The following POLR1A variants were observed in gnomAD, a reference collection of about 807,000 sequenced individuals.
The protein encoded by POLR1A is RNA polymerase I subunit A.
POLR1A carries 84 observed loss-of-function variants against 205.3 expected under a neutral mutation model. That is an observed-to-expected ratio of 0.41 (90% CI 0.34 to 0.49). The LOEUF (loss-of-function observed/expected upper bound fraction) is 0.49, where lower values mean the gene tolerates loss of function less well. POLR1A is among the 20% of genes least tolerant of loss of function. POLR1A has a pLI of 0.22. For missense variants in POLR1A, 1,645 were observed against 2,204.5 expected (o/e 0.75, Z 5.08); for synonymous variants, 799 against 863.7 (o/e 0.93, Z 1.31).
At chr2:86,080,667 C>G in intron 9 of POLR1A, 149 bp downstream of exon 9, 1 of 660,314 alleles carries the variant, frequency 1.5e-6, no homozygotes, top group Non-Finnish European at 2.5e-6. Context: ...TCCTAGGTGC[C>G]CCCTAAGCCC....
chr2:86,044,045 G>T, intron 22 of POLR1A, 94 bp downstream of exon 22: 1 of 1,229,580 alleles, frequency 8.1e-7, no homozygotes, highest in Non-Finnish European at 1.2e-6. Flanking sequence ...TGGCCACTTG[G>T]ACTGGGTTGC....
At position 86,054,089 on chromosome 2, in the gene POLR1A, G is replaced by C. The variant is rs777263921; in HGVS notation, c.2208+51C>G. 2.5e-6 allele frequency: 4 copies of C among 1,587,478 alleles called. No homozygotes were observed. In the African/African-American group the frequency reaches 5.4e-5, roughly 21 times the overall value. On this transcript the variant is annotated intron_variant, in intron 15 of 33. Transcript: ENST00000263857. ...TTCTGTCTCCATTTTAAACCAATCT[G>C]TCTAACCCCGGCACTAGAAGTCTCC...
intron 14 of POLR1A, among the ~76,000 whole-genome samples, chr2:86,058,591 C>T (rs1444194824): frequency 6.7e-6 from 1 of 148,902 alleles, no homozygotes; most frequent in African/African-American, 2.5e-5. Context: ...TCTCCTCTTG[C>T]ACTAACATTC....
In POLR1A at chr2:86,104,053, T is replaced by C. The variant is rs551270024; in HGVS notation, c.77+1647A>G. 2.0e-5 allele frequency among the ~76,000 whole-genome samples: 3 copies of C among 152,362 alleles called. No individual in the cohort carries two copies. In the South Asian group the frequency reaches 6.2e-4, roughly 32 times the overall value. ...GCATTGGTCTGATCATGGGAGACTT[T>C]GCAGGCTATGCTAAGAAAATATACT... On this transcript the variant is annotated intron_variant, in intron 1 of 33. Transcript: ENST00000263857.
At chr2:86,045,582 G>C (rs757864041) in intron 20 of POLR1A, 35 bp downstream of exon 20, 1 of 1,611,094 alleles carries the variant, frequency 6.2e-7, no homozygotes, top group Non-Finnish European at 8.5e-7. Context: ...CTAGAAATGA[G>C]GGAAAAAGCT....
rs776282607 is a variant in POLR1A, at chr2:86,031,569, C to T, written c.4339G>A (p.Glu1447Lys). 13 of 1,613,976 alleles carry T rather than the reference C, an allele frequency of 8.1e-6. No homozygotes were observed. The South Asian group carries it at 1.4e-4, about 18-fold the overall frequency. The change falls in exon 30 of 34, where the codon GAG becomes AAG. Residue 1447 changes from glutamate (E) to lysine (K), a missense_variant. Coordinates refer to ENST00000263857, the MANE Select transcript of POLR1A (RefSeq NM_015425.6). The part of the protein sequence containing the change: ...GEENDDEDMQ[E>K]ERNPHREGAR... ...CCTTCCCTGTGGGGATTTCGTTCCT[C>T]CTGCATGTCTTCATCGTCGTTCTCC...
intron 19 of POLR1A, 42 bp from the exon 20 acceptor site, chr2:86,045,811 T>C: frequency 6.4e-7 from 1 of 1,563,338 alleles, no homozygotes; most frequent in African/African-American, 1.4e-5. Flanking sequence ...GATCCACATG[T>C]GTGTTTAACA....
At chr2:86,086,009 G>A (rs372349323) in intron 6 of POLR1A, among the ~76,000 whole-genome samples, 2 of 152,162 alleles carry the variant, frequency 1.3e-5, no homozygotes, top group African/African-American at 2.4e-5. Context: ...AGCTGACAGC[G>A]CTCCTTGTGG....
rs759115059 is a variant in POLR1A at position 86,038,798 on chromosome 2, G to C, written c.3936C>G (p.Phe1312Leu). 2 of 1,613,874 alleles carry C rather than the reference G, an allele frequency of 1.2e-6. No individual in the cohort carries two copies. Among genetic ancestry groups the C allele is most frequent in the African/African-American group, 2.7e-5 (2 of 74,916 alleles). The change falls in exon 27 of 34, where the codon TTC (phenylalanine) becomes TTG (leucine). Residue 1312 changes from phenylalanine to leucine, a missense_variant. Transcript: ENST00000263857. ...SFCMEEKQNK[F>L]QVYQLRFQFL... is the part of the protein sequence containing the mutation. ...ACTGAAACCGCAGCTGGTACACCTGGAATTTGTTCTGTTTTTCTTCCATAC... is the reference window on the plus strand; with the variant it reads ...ACTGAAACCGCAGCTGGTACACCTGCAATTTGTTCTGTTTTTCTTCCATAC...
intron 3 of POLR1A, among the ~76,000 whole-genome samples, chr2:86,093,388 C>T (rs190040933): frequency 2.3e-4 from 35 of 152,296 alleles, no homozygotes; most frequent in African/African-American, 8.2e-4. Context: ...CCAACAACCC[C>T]AAATACTTTG....
Position 86,046,530 on chromosome 2 carries a change from G to A in POLR1A, c.2733+635C>T, listed in dbSNP as rs564220115. Among the ~76,000 whole-genome samples the A allele has an allele frequency of 1.3e-4, 20 of 152,242 alleles. 1 individual carries two copies. The highest frequency in any genetic ancestry group is 7.2e-4 in the Admixed American group (11 of 15,296). On this transcript the variant is annotated intron_variant, in intron 19 of 33. Transcript: ENST00000263857. Reference sequence around the variant, plus strand: ...AAGGTTAAGAAATCTCTAGGACAATGTTTATGTTTATAATTTAATATTATG... The same window carrying A: ...AAGGTTAAGAAATCTCTAGGACAATATTTATGTTTATAATTTAATATTATG...
rs376943937 is a variant in POLR1A at position 86,075,133 on chromosome 2, C to T, written c.1508G>A (p.Ser503Asn). 1 of 1,613,620 alleles carries T rather than the reference C, an allele frequency of 6.2e-7. No individual in the cohort carries two copies. Among genetic ancestry groups the T allele is most frequent in the East Asian group, 2.2e-5 (1 of 44,876 alleles). Residue 503 changes from serine to asparagine, a missense_variant, in exon 12 of 34, where the codon AGC becomes AAC. Physicochemically the swap from Ser to Asn is conservative, Grantham distance 46. Around this residue, in one of 16 missense-constraint regions of POLR1A, gnomAD observed 131 missense variants for 214.5 expected, o/e 0.61. Transcript: ENST00000263857. ...GTCCACAGCGCTCAGGGCTGTGCGG[C>T]TGCCGTCCTCATTGATGACCATGGA... The part of the protein sequence containing the change: ...GASMVINEDG[S>N]RTALSAVDMT...
In POLR1A at chr2:86,050,001, G is replaced by A. The variant is rs190669932; in HGVS notation, c.2393-759C>T. The stretch of plus-strand genomic sequence containing the variant: ...GGTGTGATCTCGGCTCACTGCAACC[G>A]CTGCCTCCCAGGTTCAAGTGATTCT... On this transcript the variant is annotated intron_variant, in intron 16 of 33. Transcript: ENST00000263857. 1.8e-3 allele frequency among the ~76,000 whole-genome samples: 268 copies of A among 150,468 alleles called. 2 individuals carry two copies. The highest frequency in any genetic ancestry group is 3.4e-3 in the Middle Eastern group (1 of 292).
rs752351886 is a variant in POLR1A, at chr2:86,038,726, C to A, written c.4008G>T (p.Glu1336Asp). 5.6e-6 allele frequency: 9 copies of A among 1,613,968 alleles called. No homozygotes were observed. Among genetic ancestry groups the A allele is most frequent in the Admixed American group, 5.0e-5 (3 of 60,026 alleles). ...YYQQEKCLRP[E>D]DILRFMETRF... ...TTGTTTCCATGAAGCGCAGGATGTC[C>A]TCGGGTCTCAGGCACTTCTCCTGCT... Residue 1336 changes from glutamate (E) to aspartate (D), a missense_variant, in exon 27 of 34, where the codon GAG becomes GAT. This residue lies in a region of POLR1A where 394 missense variants were observed against 468.5 expected (regional missense o/e 0.84). Coordinates refer to ENST00000263857, the MANE Select transcript of POLR1A (RefSeq NM_015425.6).
chr2:86,029,864 T>A (rs1026119101), intron 31 of POLR1A, among the ~76,000 whole-genome samples: 1 of 152,092 alleles, frequency 6.6e-6, no homozygotes, highest in East Asian at 1.9e-4. Context: ...CCTCCCAAAG[T>A]GCTGGGATTA....
Position 86,081,979 on chromosome 2 carries a change from G to A in POLR1A, c.818-273C>T, listed in dbSNP as rs1381154418. ...TCCAAGTAGTTGGGACTACAGGTGC[G>A]TGCTATCATGTCCAGCTAATTTTTG... On this transcript the variant is annotated intron_variant, in intron 7 of 33. Transcript: ENST00000263857. Among the ~76,000 whole-genome samples, 5 of 152,136 alleles carry A rather than the reference G, an allele frequency of 3.3e-5. No homozygotes were observed. The East Asian group carries it at 7.7e-4, about 24-fold the overall frequency.
At chr2:86,039,024 C>A (rs866128951) in intron 26 of POLR1A, 167 bp from the exon 27 acceptor site, 9 of 679,730 alleles carry the variant, frequency 1.3e-5, no homozygotes, top group Non-Finnish European at 2.2e-5. Context: ...GCTGGGGGGC[C>A]CACAGCCTGC....
chr2:86,036,137 G>A (rs1017853108), intron 27 of POLR1A, among the ~76,000 whole-genome samples: 6 of 152,196 alleles, frequency 3.9e-5, no homozygotes, highest in African/African-American at 1.4e-4. Flanking sequence ...GACCCCTGGC[G>A]GTTTCTGAAC....
intron 23 of POLR1A, among the ~76,000 whole-genome samples, chr2:86,042,385 AC>A (rs946154844): frequency 6.6e-6 from 1 of 152,178 alleles, no homozygotes; most frequent in African/African-American, 2.4e-5. Context: ...GAAACAGGAG[AC>A]TGTTATGATT....
Sources: gnomAD v4.1 joint callset for allele counts (sites outside exome capture counted in the v4.1 genomes callset) on GRCh38, gnomAD v4.1.1 for gene constraint, gnomAD v4.1.1 regional missense constraint, MANE v1.5 for transcripts, NCBI Gene and HGNC (gene_info 2026-07-23, HGNC 2026-07-21) for gene names.